Variants in GRAMD2A observed in about 807,000 individuals in gnomAD.
GRAMD2A encodes GRAM domain containing 2A, also known as GRAM domain-containing protein 2A.
Under a neutral mutation model 51.1 loss-of-function variants are expected in GRAMD2A, and 37 were observed. That is an observed-to-expected ratio of 0.72 (90% CI 0.56 to 0.95). The LOEUF (loss-of-function observed/expected upper bound fraction) is 0.95. Among genes scored for constraint, GRAMD2A ranks in the 40% least tolerant of loss-of-function variants. GRAMD2A has a pLI of 0.00. For synonymous variants in GRAMD2A, 136 were observed against 157.1 expected, an observed-to-expected ratio of 0.87 and a Z score of 1.01; for missense variants, 414 against 426.9, an observed-to-expected ratio of 0.97 and a Z score of 0.27.
chr15:72,193,870 G>C (rs2081786836), intron 1 of GRAMD2A, among the ~76,000 whole-genome samples: 1 of 152,160 alleles, frequency 6.6e-6, no homozygotes, highest in Non-Finnish European at 1.5e-5. Context: ...GGGAAGGAGG[G>C]GCGAGGAATC....
chr15:72,179,621 GA>G (rs1387416463), intron 1 of GRAMD2A, among the ~76,000 whole-genome samples: 2 of 152,168 alleles, frequency 1.3e-5, no homozygotes, highest in Non-Finnish European at 2.9e-5. Flanking sequence ...GGCAAACAGA[GA>G]AAAAAATTAT....
chr15:72,164,504 C>T (rs965445135), intron 8 of GRAMD2A, among the ~76,000 whole-genome samples: 7 of 151,664 alleles, frequency 4.6e-5, no homozygotes, highest in Admixed American at 1.3e-4. Context: ...CTCCCAGGCT[C>T]AAGTGATCCT....
At position 72,167,800 on chromosome 15, in the gene GRAMD2A, C is replaced by G; in HGVS notation, c.308G>C (p.Gly103Ala). 2.5e-6 allele frequency: 4 copies of G among 1,614,064 alleles called. No homozygotes were observed. The highest frequency in any genetic ancestry group is 3.4e-6 in the Non-Finnish European group (4 of 1,179,962). Reference protein sequence around the residue: ...CALQRDFLLQGRLYISPNWLC... With the variant: ...CALQRDFLLQARLYISPNWLC... Reference sequence around the variant, plus strand: ...CCAGTTGGGGGAGATGTAGAGCCGGCCCTGGAGGAGGAAGTCCCTCTGGAG... The same window carrying G: ...CCAGTTGGGGGAGATGTAGAGCCGGGCCTGGAGGAGGAAGTCCCTCTGGAG... The change falls in exon 5 of 12, where the codon GGC becomes GCC. Residue 103 changes from glycine to alanine, a missense_variant. By Grantham distance (60) the Gly-to-Ala change is moderately conservative (BLOSUM62 0). Coordinates refer to ENST00000309731, the MANE Select transcript of GRAMD2A (RefSeq NM_001012642.3).
At chr15:72,169,968 G>C (rs1226930120) in intron 1 of GRAMD2A, 29 bp from the exon 2 acceptor site, 2 of 1,557,302 alleles carry the variant, frequency 1.3e-6, no homozygotes, top group South Asian at 2.2e-5. Context: ...ATATCAGGAA[G>C]GGGGCTTCAT....
Position 72,161,931 on chromosome 15 carries a change from C to T in GRAMD2A, c.*78G>A, listed in dbSNP as rs2081479967. On this transcript the variant is annotated 3_prime_UTR_variant, in exon 12 of 12. Coordinates refer to ENST00000309731, the MANE Select transcript of GRAMD2A (RefSeq NM_001012642.3). ...GTCTTAGCACAGCAGCAGCATAAAC[C>T]ACAGGGATCATTGGTGGAGACTTAG... 5 of 1,493,320 alleles carry T rather than the reference C, an allele frequency of 3.3e-6. No individual in the cohort carries two copies. The highest frequency in any genetic ancestry group is 2.3e-5 in the South Asian group (2 of 88,616). The allele number at this position is 1,493,320 out of a possible 1,614,324, so 92.5% of individuals were successfully genotyped here.
At position 72,162,027 on chromosome 15, in the gene GRAMD2A, G is replaced by T; in HGVS notation, c.1062-15C>A. ...GTGGCTGTTACCTGCACACAGGAAAGATGTCCACATCAGGGAAAGGGCCCA... is the reference window on the plus strand; with the variant it reads ...GTGGCTGTTACCTGCACACAGGAAATATGTCCACATCAGGGAAAGGGCCCA... On this transcript the variant is annotated splice_polypyrimidine_tract_variant and intron_variant, in intron 11 of 11. Coordinates refer to ENST00000309731, the MANE Select transcript of GRAMD2A (RefSeq NM_001012642.3). The T allele has an allele frequency of 6.2e-7, 1 of 1,614,148 alleles. No individual in the cohort carries two copies. The highest frequency in any genetic ancestry group is 8.5e-7 in the Non-Finnish European group (1 of 1,180,018).
chr15:72,161,601 T>A lies in GRAMD2A; in HGVS notation c.*408A>T. ...GACCCCACCATAGGAGTGAGCTGTG[T>A]GGCAGAGCCACATTCCAAATGCGAA... On this transcript the variant is annotated 3_prime_UTR_variant, in exon 12 of 12. Transcript: ENST00000309731. 3.9e-6 allele frequency: 1 copy of A among 258,340 alleles called. No individual in the cohort carries two copies. Among genetic ancestry groups the A allele is most frequent in the Non-Finnish European group, 7.6e-6 (1 of 131,736 alleles). The allele number at this position is 258,340 out of a possible 1,614,324, so 16.0% of individuals were successfully genotyped here.
At chr15:72,179,795 T>G (rs1261163599) in intron 1 of GRAMD2A, among the ~76,000 whole-genome samples, 3 of 152,098 alleles carry the variant, frequency 2.0e-5, no homozygotes, top group African/African-American at 7.2e-5. Flanking sequence ...CATCACATCC[T>G]TGAAGGATAC....
In GRAMD2A at chr15:72,170,243, G is replaced by C. The variant is rs1269169335; in HGVS notation, c.42-304C>G. On this transcript the variant is annotated intron_variant, in intron 1 of 11. Transcript: ENST00000309731. This position sits in a 1 kb window ranked among gnomAD's most constrained non-coding sequence, Gnocchi z 4.5. ...CAGTGCCAGGCAGCTCGTAGGCCAGGCTGAGTGAGGCCTCTAGCCCCACCC... is the reference window on the plus strand; with the variant it reads ...CAGTGCCAGGCAGCTCGTAGGCCAGCCTGAGTGAGGCCTCTAGCCCCACCC... 3.8e-6 allele frequency: 2 copies of C among 532,294 alleles called. No individual in the cohort carries two copies. Among genetic ancestry groups the C allele is most frequent in the South Asian group, 3.1e-5 (2 of 65,208 alleles). 33.0% of individuals were successfully genotyped at this position (532,294 alleles called of 1,614,324 possible).
chr15:72,177,395 A>C (rs2081662051), intron 1 of GRAMD2A, among the ~76,000 whole-genome samples: 1 of 152,200 alleles, frequency 6.6e-6, no homozygotes, highest in African/African-American at 2.4e-5. Flanking sequence ...CTCTGGTTTC[A>C]CTGGCCACAC....
At chr15:72,184,674 A>G (rs7180934) in intron 1 of GRAMD2A, among the ~76,000 whole-genome samples, 145,371 of 152,288 alleles carry the variant, frequency 0.95, 69,766 homozygotes, top group East Asian at 1. Context: ...GGAGCTTGCT[A>G]GGTCCTGGGA....
At chr15:72,185,963 A>G (rs1404602873) in intron 1 of GRAMD2A, among the ~76,000 whole-genome samples, 2 of 152,256 alleles carry the variant, frequency 1.3e-5, no homozygotes, top group African/African-American at 4.8e-5. Flanking sequence ...TAAGCAAGAT[A>G]TAAAACCCAG....
intron 8 of GRAMD2A, among the ~76,000 whole-genome samples, chr15:72,165,057 T>G (rs2081526831): frequency 6.6e-6 from 1 of 152,248 alleles, no homozygotes; most frequent in Non-Finnish European, 1.5e-5. Flanking sequence ...GAGAATCACT[T>G]GAACCCAGCA....
chr15:72,180,291 A>G (rs552381133), intron 1 of GRAMD2A, among the ~76,000 whole-genome samples: 5 of 152,314 alleles, frequency 3.3e-5, no homozygotes, highest in East Asian at 3.9e-4. Flanking sequence ...AGCGGCATCT[A>G]TTTGAGCTGG....
In GRAMD2A at chr15:72,161,971, T is replaced by C. The variant is rs1300281484; in HGVS notation, c.*38A>G. 6.2e-7 allele frequency: 1 copy of C among 1,611,656 alleles called. No individual in the cohort carries two copies. The highest frequency in any genetic ancestry group is 8.5e-7 in the Non-Finnish European group (1 of 1,177,768). On this transcript the variant is annotated 3_prime_UTR_variant, in exon 12 of 12. Coordinates refer to ENST00000309731, the MANE Select transcript of GRAMD2A (RefSeq NM_001012642.3). ...TGGAGACTTAGCACCCAGAACATTC[T>C]TCTTGGAGAAGGAATGGGGACAAAG...
intron 2 of GRAMD2A, 70 bp from the exon 3 acceptor site, chr15:72,169,066 C>G (rs2081580672): frequency 5.0e-6 from 7 of 1,398,948 alleles, no homozygotes; most frequent in Middle Eastern, 1.8e-4. Flanking sequence ...AGTGCCAATT[C>G]TGCCCTGGCC....
At chr15:72,193,562 G>A (rs985740579) in intron 1 of GRAMD2A, among the ~76,000 whole-genome samples, 1 of 148,332 alleles carries the variant, frequency 6.7e-6, no homozygotes, top group South Asian at 2.1e-4. Context: ...TTGCTCTGTC[G>A]CCCAGGCTGG....
intron 1 of GRAMD2A, among the ~76,000 whole-genome samples, chr15:72,185,674 G>T (rs746070384): frequency 1.3e-5 from 2 of 152,230 alleles, no homozygotes; most frequent in African/African-American, 2.4e-5. Context: ...ATTAAGTAGC[G>T]AAGTATTAAC....
chr15:72,190,996 G>C (rs1292406366), intron 1 of GRAMD2A, among the ~76,000 whole-genome samples: 1 of 152,152 alleles, frequency 6.6e-6, no homozygotes, highest in Non-Finnish European at 1.5e-5. Flanking sequence ...GGGACCATTT[G>C]AGCATCAATA....
Sources: gnomAD v4.1 joint callset for allele counts (sites outside exome capture counted in the v4.1 genomes callset) on GRCh38, gnomAD v4.1.1 for gene constraint, Gnocchi (gnomAD v3.1) non-coding constraint, MANE v1.5 for transcripts, NCBI Gene and HGNC (gene_info 2026-07-23, HGNC 2026-07-21) for gene names.